The following NCOA3 variants were observed in gnomAD, a reference collection of about 807,000 sequenced individuals.
NCOA3 encodes CBP-interacting protein.
A neutral mutation model predicts 158.8 loss-of-function variants in NCOA3; 51 were observed. That is an observed-to-expected ratio of 0.32 (90% CI 0.26 to 0.41). NCOA3 has a LOEUF of 0.41. Among genes scored for constraint, NCOA3 ranks in the 10% least tolerant of loss-of-function variants. The pLI, the probability that NCOA3 is intolerant of heterozygous loss-of-function variation, is 1.00. For missense variants in NCOA3, 1,510 were observed against 1,746.6 expected (o/e 0.86, Z 2.41); for synonymous variants, 537 against 592.4 (o/e 0.91, Z 1.36).
intron 1 of NCOA3, among the ~76,000 whole-genome samples, chr20:47,564,673 G>A (rs1196831089): frequency 1.3e-5 from 2 of 151,872 alleles, no homozygotes; most frequent in Non-Finnish European, 2.9e-5. Context: ...TCTAGCCATG[G>A]ACTTGTTGAG....
chr20:47,652,750 T>C (rs560869176), intron 21 of NCOA3, among the ~76,000 whole-genome samples, 170 bp downstream of exon 21: 3 of 152,316 alleles, frequency 2.0e-5, no homozygotes, highest in Middle Eastern at 3.4e-3. Flanking sequence ...CACGCACATA[T>C]CTATTAGGGT....
chr20:47,622,185 T>C, intron 2 of NCOA3, 44 bp from the exon 3 acceptor site: 3 of 1,056,968 alleles, frequency 2.8e-6, no homozygotes, highest in Non-Finnish European at 4.3e-6. Flanking sequence ...GAGTCATGTA[T>C]ATTTTTTAAT....
At chr20:47,529,423 A>T (rs1266053044) in intron 1 of NCOA3, among the ~76,000 whole-genome samples, 1 of 151,140 alleles carries the variant, frequency 6.6e-6, no homozygotes, top group African/African-American at 2.4e-5. Context: ...CCAGCATCTA[A>T]AAAACTTTTT....
chr20:47,522,765 C>T (rs920059614), intron 1 of NCOA3, among the ~76,000 whole-genome samples: 1 of 151,822 alleles, frequency 6.6e-6, no homozygotes, highest in South Asian at 2.1e-4. Flanking sequence ...GGGGAAAGGG[C>T]AAGAAGGCTG....
At chr20:47,641,476 C>T (rs142524565) in intron 16 of NCOA3, among the ~76,000 whole-genome samples, 3 of 145,674 alleles carry the variant, frequency 2.1e-5, no homozygotes, top group African/African-American at 2.6e-5. Context: ...TCAGCCACCA[C>T]GCCTGGCTCC....
At chr20:47,543,655 G>A (rs35193506) in intron 1 of NCOA3, among the ~76,000 whole-genome samples, 2,344 of 152,108 alleles carry the variant, frequency 0.015, 33 homozygotes, top group Non-Finnish European at 0.022. Flanking sequence ...GACTACTGGT[G>A]CGCACCACCA....
At chr20:47,511,511 GTATCTCTCTCGAGATATATATA>G (rs2146053404) in intron 1 of NCOA3, among the ~76,000 whole-genome samples, 1 of 57,076 alleles carries the variant, frequency 1.8e-5, no homozygotes, top group South Asian at 7.2e-4. Flanking sequence ...GCTGAGATAT[GTATCTCTCTCGAGATATATATA>G]TATATATATA....
chr20:47,528,540 T>C (rs1480235506), intron 1 of NCOA3, among the ~76,000 whole-genome samples: 1 of 152,202 alleles, frequency 6.6e-6, no homozygotes, highest in African/African-American at 2.4e-5. Context: ...CTTTATGGCT[T>C]ACCTCTATTA....
intron 1 of NCOA3, among the ~76,000 whole-genome samples, chr20:47,503,647 C>T (rs1413423495): frequency 6.6e-6 from 1 of 152,122 alleles, no homozygotes; most frequent in Non-Finnish European, 1.5e-5. Flanking sequence ...ATGTTGATAG[C>T]TATTGGAAAA....
chr20:47,612,763 G>C (rs1334046758), intron 2 of NCOA3, among the ~76,000 whole-genome samples: 1 of 152,186 alleles, frequency 6.6e-6, no homozygotes, highest in Non-Finnish European at 1.5e-5. Context: ...AAACAAAAGA[G>C]TTACCCGGCT....
intron 1 of NCOA3, among the ~76,000 whole-genome samples, chr20:47,575,318 A>G (rs936063097): frequency 2.0e-5 from 3 of 152,336 alleles, no homozygotes; most frequent in African/African-American, 7.2e-5. Flanking sequence ...TTATATATCT[A>G]TATATACGTA....
intron 1 of NCOA3, among the ~76,000 whole-genome samples, chr20:47,528,106 C>G (rs912080598): frequency 2.6e-5 from 4 of 152,172 alleles, no homozygotes; most frequent in Non-Finnish European, 5.9e-5. Context: ...AGCTGAGTCT[C>G]TGTAGTAATG....
At chr20:47,621,889 C>T (rs1239668250) in intron 2 of NCOA3, among the ~76,000 whole-genome samples, 1 of 152,000 alleles carries the variant, frequency 6.6e-6, no homozygotes, top group African/African-American at 2.4e-5. Context: ...GTTGGTCAGG[C>T]TGGTCTCAAA....
chr20:47,524,786 A>C (rs1446378671), intron 1 of NCOA3, among the ~76,000 whole-genome samples: 1 of 152,162 alleles, frequency 6.6e-6, no homozygotes, highest in Non-Finnish European at 1.5e-5. Flanking sequence ...TCTGTTGCCC[A>C]GGCTGGAGTG....
chr20:47,504,417 T>C (rs1407156836), intron 1 of NCOA3, among the ~76,000 whole-genome samples: 1 of 151,808 alleles, frequency 6.6e-6, no homozygotes, highest in Non-Finnish European at 1.5e-5. Flanking sequence ...TCTTCTTGAC[T>C]GGTCTTTTGA....
chr20:47,605,819 T>G (rs1050890204), intron 2 of NCOA3, among the ~76,000 whole-genome samples: 1 of 152,228 alleles, frequency 6.6e-6, no homozygotes, highest in Admixed American at 6.5e-5. Context: ...CATTATTATA[T>G]TTGGAGCAAT....
At chr20:47,601,538 C>G (rs769050939) in intron 2 of NCOA3, among the ~76,000 whole-genome samples, 48 of 152,124 alleles carry the variant, frequency 3.2e-4, no homozygotes, top group Non-Finnish European at 3.5e-4. Flanking sequence ...TAAATATCAG[C>G]TCAATAATCT....
intron 6 of NCOA3, 86 bp from the exon 7 acceptor site, chr20:47,627,475 T>G: frequency 1.9e-6 from 2 of 1,064,352 alleles, no homozygotes; most frequent in South Asian, 1.6e-5. Context: ...ACATGCATAA[T>G]GAGAAAATGC....
chr20:47,547,764 G>A (rs1235071046), intron 1 of NCOA3, among the ~76,000 whole-genome samples: 2 of 151,008 alleles, frequency 1.3e-5, no homozygotes, highest in Non-Finnish European at 2.9e-5. Flanking sequence ...CACCCAGACT[G>A]AAGTGCAGTG....
Sources: allele counts gnomAD v4.1 joint callset (sites outside exome capture counted in the v4.1 genomes callset), GRCh38; gene constraint gnomAD v4.1.1; transcripts MANE v1.5; gene names NCBI Gene and HGNC (gene_info 2026-07-23, HGNC 2026-07-21).